Variants in KCNA5 observed in about 807,000 individuals in gnomAD.
KCNA5 encodes the protein cardiac potassium channel.
A neutral mutation model predicts 26.5 loss-of-function variants in KCNA5; 22 were observed. The ratio of observed to expected loss-of-function variants is 0.83; its 90% CI spans 0.59 to 1.18. The LOEUF is 1.18. Among genes scored for constraint, KCNA5 ranks in the 50% most tolerant of loss-of-function variants. The pLI is 0.00. For synonymous variants in KCNA5, 465 were observed against 372.8 expected (o/e 1.25, Z -2.85); for missense variants, 916 against 843.2 (o/e 1.09, Z -1.07).
At position 5,044,610 on chromosome 12, in the gene KCNA5, T is replaced by C. The variant is rs1158592636; in HGVS notation, c.463T>C (p.Tyr155His). 1 of 1,614,108 alleles carries C rather than the reference T, an allele frequency of 6.2e-7. No individual in the cohort carries two copies. The highest frequency in any genetic ancestry group is 8.5e-7 in the Non-Finnish European group (1 of 1,180,030). The change falls in exon 1 of 1, where the codon TAC becomes CAC. Residue 155 changes from tyrosine to histidine, a missense_variant. Coordinates refer to ENST00000252321, the MANE Select transcript of KCNA5 (RefSeq NM_002234.4). ...GGGGGACCCCGCCAAGCGCCTGCGC[T>C]ACTTCGACCCCCTGAGGAACGAGTA... Reference protein sequence around the residue: ...LLGDPAKRLRYFDPLRNEYFF... With the variant: ...LLGDPAKRLRHFDPLRNEYFF...
Sources: gnomAD v4.1 joint callset for allele counts on GRCh38, gnomAD v4.1.1 for gene constraint, MANE v1.5 for transcripts, NCBI Gene and HGNC (gene_info 2026-07-23, HGNC 2026-07-21) for gene names.